The following LRRC45 variants were observed in gnomAD, a reference collection of about 807,000 sequenced individuals.
The protein encoded by LRRC45 is leucine-rich repeat-containing protein 45.
Under a neutral mutation model 85.4 loss-of-function variants are expected in LRRC45, and 73 were observed. The ratio of observed to expected loss-of-function variants is 0.85; its 90% CI spans 0.71 to 1.04. LRRC45 has a LOEUF of 1.04. Ranked by LOEUF, LRRC45 falls within the 50% of genes least tolerant of loss-of-function variation. The pLI, the probability that LRRC45 is intolerant of heterozygous loss-of-function variation, is 0.00. For synonymous variants in LRRC45, 429 were observed against 386.0 expected (o/e 1.11, Z -1.31); for missense variants, 937 against 883.3 (o/e 1.06, Z -0.77).
At chr17:82,029,976 A>G in intron 14 of LRRC45, 89 bp from the exon 15 acceptor site, 1 of 1,410,006 alleles carries the variant, frequency 7.1e-7, no homozygotes, top group East Asian at 2.5e-5. Flanking sequence ...CCAGTCCTGC[A>G]GAGAGGTGGG....
At chr17:82,029,382 T>A in intron 13 of LRRC45, 161 bp from the exon 14 acceptor site, 1 of 967,346 alleles carries the variant, frequency 1.0e-6, no homozygotes, top group Non-Finnish European at 1.5e-6. Flanking sequence ...TCCTTGGCCT[T>A]AGGAACCTTG....
chr17:82,029,430 C>T (rs545471848), intron 13 of LRRC45, 113 bp from the exon 14 acceptor site: 1 of 1,246,926 alleles, frequency 8.0e-7, no homozygotes, highest in Non-Finnish European at 1.1e-6. Flanking sequence ...GCGTGGCCCT[C>T]AGGAGGCTGG....
At position 82,024,990 on chromosome 17, in the gene LRRC45, C is replaced by T. The variant is rs1469479941; in HGVS notation, c.354-10C>T. 6.4e-7 allele frequency: 1 copy of T among 1,555,506 alleles called. No individual in the cohort carries two copies. Among genetic ancestry groups the T allele is most frequent in the Non-Finnish European group, 8.7e-7 (1 of 1,148,986 alleles). On this transcript the variant is annotated splice_polypyrimidine_tract_variant and intron_variant, in intron 3 of 16. Coordinates refer to ENST00000306688, the MANE Select transcript of LRRC45 (RefSeq NM_144999.4). Reference sequence around the variant, plus strand: ...CCCTAGGTGAACACTGGCTTCTGCCCCTCCTGCAGCCTCACGCTGGAGTGG... The same window carrying T: ...CCCTAGGTGAACACTGGCTTCTGCCTCTCCTGCAGCCTCACGCTGGAGTGG...
chr17:82,024,223 G>A lies in LRRC45; in HGVS notation c.221-55G>A, dbSNP rs536894217. 2.0e-5 allele frequency: 31 copies of A among 1,585,786 alleles called. No individual in the cohort carries two copies. In the South Asian group the frequency reaches 2.7e-4, roughly 14 times the overall value. The stretch of plus-strand genomic sequence containing the variant: ...AGCTGCCCTGAAAAGGGGCCCACGG[G>A]GAGGGCCTTGGGGTCAGCAGGGGCA... On this transcript the variant is annotated intron_variant, in intron 1 of 16. Transcript: ENST00000306688.
At chr17:82,025,554 G>A in intron 5 of LRRC45, 47 bp downstream of exon 5, 1 of 1,477,620 alleles carries the variant, frequency 6.8e-7, no homozygotes, top group Non-Finnish European at 9.0e-7. Flanking sequence ...TTTGACAGAG[G>A]CCTGTCCACC....
Position 82,023,856 on chromosome 17 carries a change from C to T in LRRC45, c.213C>T (p.Ser71=). The T allele has an allele frequency of 1.9e-6, 3 of 1,558,730 alleles. No homozygotes were observed. The highest frequency in any genetic ancestry group is 1.7e-6 in the Non-Finnish European group (2 of 1,153,654). Residue 71 remains serine, a synonymous_variant, in exon 1 of 17, where the codon AGC becomes AGT. Coordinates refer to ENST00000306688, the MANE Select transcript of LRRC45 (RefSeq NM_144999.4). ...TGGTCCTGAGTGACTGCATGCTCAG[C>T]GAGGAAGGTGGGCAGGCGCGGCGGG... ...TELVLSDCML[S]EEGATLLLRG...
At chr17:82,028,561 C>T (rs975787797) in intron 11 of LRRC45, 52 bp from the exon 12 acceptor site, 12 of 1,611,620 alleles carry the variant, frequency 7.4e-6, no homozygotes, top group African/African-American at 1.3e-5. Context: ...CACCGGGGGA[C>T]GGGGGCCCCC....
In LRRC45 at chr17:82,025,410, G is replaced by A; in HGVS notation, c.564G>A (p.Gly188=). 7 of 1,599,020 alleles carry A rather than the reference G, an allele frequency of 4.4e-6. No homozygotes were observed. The highest frequency in any genetic ancestry group is 1.7e-5 in the Admixed American group (1 of 58,060). The change falls in exon 5 of 17, where the codon GGG becomes GGA. Residue 188 remains glycine, a synonymous_variant. Transcript: ENST00000306688. ...DLRWNNVGLL[G]GRALMNCLPS... ...GCTGGAATAACGTTGGCCTCCTGGG[G>A]GGCCGGGCCCTCATGAACTGTCTCC...
intron 5 of LRRC45, among the ~76,000 whole-genome samples, chr17:82,026,564 TTGTGTGTGTGTG>T (rs550616399): frequency 3.6e-5 from 5 of 137,466 alleles, no homozygotes; most frequent in South Asian, 2.5e-4. Flanking sequence ...CACAGCTCCT[TTGTGTGTGTGTG>T]TGTGTGTGTG....
rs777781846 is a variant in LRRC45, at chr17:82,030,712, G to C, written c.1920G>C (p.Arg640=). The C allele has an allele frequency of 2.7e-6, 4 of 1,499,168 alleles. No homozygotes were observed. The highest frequency in any genetic ancestry group is 3.6e-6 in the Non-Finnish European group (4 of 1,114,780). 92.9% of individuals were successfully genotyped at this position (1,499,168 alleles called of 1,614,324 possible). Residue 640 remains arginine (R), a synonymous_variant, in exon 17 of 17, where the codon CGG becomes CGC. Transcript: ENST00000306688. ...RLREAEIARI[R]DEEAQRASFL... is the part of the protein sequence containing the mutation. ...GGGAGGCGGAGATCGCCCGCATCCG[G>C]GACGAGGAGGCCCAGAGGGCGAGCT...
Position 82,029,648 on chromosome 17 carries a change from T to G in LRRC45, c.1494+13T>G. ...CCGCCTGGAGGAGGTGAGCCACACATGTCCGCCACCCTCCGGGGGAGCCAG... is the reference window on the plus strand; with the variant it reads ...CCGCCTGGAGGAGGTGAGCCACACAGGTCCGCCACCCTCCGGGGGAGCCAG... On this transcript the variant is annotated intron_variant, in intron 14 of 16. Coordinates refer to ENST00000306688, the MANE Select transcript of LRRC45 (RefSeq NM_144999.4). The G allele has an allele frequency of 6.4e-7, 1 of 1,558,246 alleles. No individual in the cohort carries two copies. The highest frequency in any genetic ancestry group is 1.2e-5 in the South Asian group (1 of 84,576).
chr17:82,024,398 G>T (rs2043347278), intron 2 of LRRC45, 59 bp downstream of exon 2: 19 of 1,599,048 alleles, frequency 1.2e-5, no homozygotes, highest in Non-Finnish European at 1.5e-5. Context: ...GAGGAGAGGT[G>T]GAAGATGCCA....
chr17:82,026,745 C>T lies in LRRC45; in HGVS notation c.662-154C>T, dbSNP rs187090180. ...AGGTGTGCGCTACCATGCCCAGCTACTTTTTTGTATTTTTAGTACAGATGG... is the reference window on the plus strand; with the variant it reads ...AGGTGTGCGCTACCATGCCCAGCTATTTTTTTGTATTTTTAGTACAGATGG... On this transcript the variant is annotated intron_variant, in intron 5 of 16. Coordinates refer to ENST00000306688, the MANE Select transcript of LRRC45 (RefSeq NM_144999.4). 4.7e-3 allele frequency: 2,566 copies of T among 546,244 alleles called. 7 individuals carry two copies. The highest frequency in any genetic ancestry group is 6.9e-3 in the Non-Finnish European group (2,039 of 296,896). The allele number at this position is 546,244 out of a possible 1,614,324, so 33.8% of individuals were successfully genotyped here.
rs757312095 is a variant in LRRC45, at chr17:82,030,797, C to G, written c.2005C>G (p.Pro669Ala). The G allele has an allele frequency of 5.8e-6, 8 of 1,368,114 alleles. No individual in the cohort carries two copies. Among genetic ancestry groups the G allele is most frequent in the South Asian group, 1.9e-5 (1 of 52,214 alleles). 84.7% of individuals were successfully genotyped at this position (1,368,114 alleles called of 1,614,324 possible). ...QASPVRTLSP[P>A]K is the part of the protein sequence containing the mutation. ...GTCCCCCGTGAGGACCCTGAGCCCC[C>G]CAAAGTGAGACAGGCCGGGAGGACC... The change falls in exon 17 of 17, where the codon CCA (proline) becomes GCA (alanine). Residue 669 changes from proline (P) to alanine (A), a missense_variant. By Grantham distance (27) the Pro-to-Ala change is conservative. Coordinates refer to ENST00000306688, the MANE Select transcript of LRRC45 (RefSeq NM_144999.4).
Position 82,025,421 on chromosome 17 carries a change from T to C in LRRC45, c.575T>C (p.Leu192Pro). The C allele has an allele frequency of 6.2e-7, 1 of 1,606,832 alleles. No individual in the cohort carries two copies. Among genetic ancestry groups the C allele is most frequent in the Non-Finnish European group, 8.5e-7 (1 of 1,176,748 alleles). ...NNVGLLGGRA[L>P]MNCLPSNRTL... ...GTTGGCCTCCTGGGGGGCCGGGCCC[T>C]CATGAACTGTCTCCCCAGCAACAGA... The change falls in exon 5 of 17, where the codon CTC becomes CCC. Residue 192 changes from leucine to proline, a missense_variant. Physicochemically the swap from Leu to Pro is moderately conservative, Grantham distance 98 (BLOSUM62 -3). Transcript: ENST00000306688.
Position 82,029,606 on chromosome 17 carries a change from A to G in LRRC45, c.1465A>G (p.Lys489Glu). ...TGGCCAGGCTGAGGAGGAGCTGATCAAGGCCAAGAGCCAGGCCCGCCTGGA... is the reference window on the plus strand; with the variant it reads ...TGGCCAGGCTGAGGAGGAGCTGATCGAGGCCAAGAGCCAGGCCCGCCTGGA... ...ERGQAEEELI[K>E]AKSQARLEEQ... is the part of the protein sequence containing the mutation. Residue 489 changes from lysine to glutamate, a missense_variant, in exon 14 of 17, where the codon AAG becomes GAG. By Grantham distance (56) the Lys-to-Glu change is moderately conservative. Transcript: ENST00000306688. 6.3e-7 allele frequency: 1 copy of G among 1,579,242 alleles called. No homozygotes were observed. The highest frequency in any genetic ancestry group is 8.6e-7 in the Non-Finnish European group (1 of 1,164,142).
chr17:82,029,282 TC>T (rs2043395962), intron 13 of LRRC45, 97 bp downstream of exon 13: 1 of 1,244,760 alleles, frequency 8.0e-7, no homozygotes, highest in African/African-American at 1.5e-5. Flanking sequence ...AGAGACCTCT[TC>T]CTGTTCCCAG....
In LRRC45 at chr17:82,030,362, G is replaced by A. The variant is rs1179749161; in HGVS notation, c.1712G>A (p.Arg571Lys). ...CAGGAAAGGGTGGCCGAGGTGAGCA[G>A]GGTGCGCGTGGAGCTGCAGGAGCAG... ...KDQERVAEVS[R>K]VRVELQEQNG... Residue 571 changes from arginine to lysine, a missense_variant, in exon 16 of 17, where the codon AGG becomes AAG. Coordinates refer to ENST00000306688, the MANE Select transcript of LRRC45 (RefSeq NM_144999.4). 2.0e-5 allele frequency: 31 copies of A among 1,549,784 alleles called. No individual in the cohort carries two copies. In the East Asian group the frequency reaches 7.6e-4, roughly 38 times the overall value.
In LRRC45 at chr17:82,023,800, C is replaced by A; in HGVS notation, c.157C>A (p.Leu53Met). The change falls in exon 1 of 17, where the codon CTG becomes ATG. Residue 53 changes from leucine to methionine, a missense_variant. Transcript: ENST00000306688. Reference sequence around the variant, plus strand: ...GGAGACCTGCAGGGCCCTGGGCAAGCTGCTGCCGAGGGAGACGCTGTGCAC... The same window carrying A: ...GGAGACCTGCAGGGCCCTGGGCAAGATGCTGCCGAGGGAGACGCTGTGCAC... ...TVETCRALGK[L>M]LPRETLCTEL... 6.4e-7 allele frequency: 1 copy of A among 1,570,226 alleles called. No homozygotes were observed. The highest frequency in any genetic ancestry group is 8.6e-7 in the Non-Finnish European group (1 of 1,160,234).
Sources: gnomAD v4.1 joint callset for allele counts (sites outside exome capture counted in the v4.1 genomes callset) on GRCh38, gnomAD v4.1.1 for gene constraint, MANE v1.5 for transcripts, NCBI Gene and HGNC (gene_info 2026-07-23, HGNC 2026-07-21) for gene names.